Variants in SPG7 observed in about 807,000 individuals in gnomAD.
The protein encoded by SPG7 is mitochondrial inner membrane m-AAA protease component paraplegin.
Under a neutral mutation model 81.9 loss-of-function variants are expected in SPG7, and 103 were observed. The ratio of observed to expected loss-of-function variants is 1.26; its 90% CI spans 1.07 to 1.48. The LOEUF (loss-of-function observed/expected upper bound fraction) is 1.48, where lower values mean the gene tolerates loss of function less well. Among genes scored for constraint, SPG7 ranks in the 40% most tolerant of loss-of-function variants. SPG7 has a pLI of 0.00. For synonymous variants in SPG7, 534 were observed against 444.2 expected (o/e 1.20, Z -2.54); for missense variants, 1,241 against 1,087.3 (o/e 1.14, Z -1.99).
chr16:89,540,064 G>A (rs943025292), intron 9 of SPG7: 8 of 152,592 alleles, frequency 5.2e-5, no homozygotes, highest in African/African-American at 1.9e-4. Flanking sequence ...TCAGGTGCAT[G>A]TGGGGGTCTG....
At chr16:89,516,013 G>A (rs546158549) in intron 3 of SPG7, among the ~76,000 whole-genome samples, 14 of 151,898 alleles carry the variant, frequency 9.2e-5, no homozygotes, top group Admixed American at 4.6e-4. Flanking sequence ...CCAGCCTGGA[G>A]TTTCACTCTT....
intron 12 of SPG7, chr16:89,549,425 G>A (rs2058607093): frequency 2.8e-6 from 1 of 362,434 alleles, no homozygotes; most frequent in Non-Finnish European, 5.4e-6. Flanking sequence ...TTTGGGGGCT[G>A]AGGCAGGAGG....
intron 9 of SPG7, chr16:89,533,245 G>T (rs1259376458): frequency 6.5e-6 from 1 of 153,902 alleles, no homozygotes; most frequent in East Asian, 1.9e-4. Flanking sequence ...TTGGCTCACT[G>T]CAGGCTCTGT....
chr16:89,510,059 C>T (rs189261574), intron 1 of SPG7, among the ~76,000 whole-genome samples: 2 of 152,082 alleles, frequency 1.3e-5, no homozygotes, highest in Non-Finnish European at 2.9e-5. Context: ...ACTGCAACCT[C>T]TGCCTCCCGG....
intron 3 of SPG7, chr16:89,521,399 G>A (rs1277815213): frequency 6.6e-6 from 1 of 152,330 alleles, no homozygotes; most frequent in East Asian, 1.9e-4. Flanking sequence ...CGTTTGTGAC[G>A]AAAGCAGAAG....
chr16:89,526,209 G>A, intron 4 of SPG7, 120 bp from the exon 5 acceptor site: 1 of 1,145,810 alleles, frequency 8.7e-7, no homozygotes, highest in African/African-American at 1.5e-5. Context: ...TCTGAATGGT[G>A]TCCTCTTCAC....
chr16:89,519,659 G>C (rs1314698625), intron 3 of SPG7: 1 of 152,266 alleles, frequency 6.6e-6, no homozygotes, highest in Non-Finnish European at 1.5e-5. Flanking sequence ...TGGGATGACA[G>C]GCGTGAGCCA....
At chr16:89,509,249 G>A (rs1000029997) in intron 1 of SPG7, among the ~76,000 whole-genome samples, 1 of 151,958 alleles carries the variant, frequency 6.6e-6, no homozygotes, top group African/African-American at 2.4e-5. Flanking sequence ...CACCTTTTAG[G>A]TTGTTGTTTT....
chr16:89,553,668 G>A, intron 14 of SPG7, 126 bp from the exon 15 acceptor site: 7 of 881,278 alleles, frequency 7.9e-6, no homozygotes, highest in Non-Finnish European at 1.3e-5. Flanking sequence ...CAGCTTCACG[G>A]TGGGTCCTCG....
intron 5 of SPG7, chr16:89,526,681 G>A (rs2058265039): frequency 1.9e-6 from 1 of 532,864 alleles, no homozygotes; most frequent in East Asian, 3.8e-5. Flanking sequence ...CTGGTTCTCG[G>A]ACTTCCCAAG....
chr16:89,528,004 G>A (rs1253141633), intron 5 of SPG7, among the ~76,000 whole-genome samples: 1 of 152,166 alleles, frequency 6.6e-6, no homozygotes, highest in Non-Finnish European at 1.5e-5. Flanking sequence ...CTGAGGCTGT[G>A]TGTCTCATGT....
chr16:89,539,665 C>G (rs1315180212), intron 9 of SPG7: 1 of 152,094 alleles, frequency 6.6e-6, no homozygotes, highest in African/African-American at 2.4e-5. Flanking sequence ...CTCTGGGACT[C>G]AAGCCGTCCT....
chr16:89,536,137 TGGTGCTGTGTGGCCTTC>T (rs2058411896), intron 9 of SPG7, among the ~76,000 whole-genome samples: 1 of 113,942 alleles, frequency 8.8e-6, no homozygotes, highest in Non-Finnish European at 1.9e-5. Flanking sequence ...GTGGCCTCTC[TGGTGCTGTGTGGCCTTC>T]AGTGTGGCCG....
At position 89,550,497 on chromosome 16, in the gene SPG7, C is replaced by G; in HGVS notation, c.1667C>G (p.Thr556Ser). Residue 556 changes from threonine to serine, a missense_variant, in exon 13 of 17, where the codon ACT (threonine) becomes AGT (serine). By Grantham distance (58) the Thr-to-Ser change is moderately conservative. Coordinates refer to ENST00000645818, the MANE Select transcript of SPG7 (RefSeq NM_003119.4). ...TCATACCCCGGCATTCTTTCAGGGA[C>G]TGCCAAAAAGAGCAAGATCCTGTCC... ...EYAVERVLAG[T>S]AKKSKILSKE... 1.2e-6 allele frequency: 2 copies of G among 1,611,422 alleles called. No homozygotes were observed. Among genetic ancestry groups the G allele is most frequent in the South Asian group, 1.1e-5 (1 of 91,036 alleles).
Position 89,549,215 on chromosome 16 carries a change from A to T in SPG7, c.1663+1102A>T, listed in dbSNP as rs1436121898. 6.6e-6 allele frequency: 3 copies of T among 456,872 alleles called. No individual in the cohort carries two copies. The East Asian group carries it at 2.1e-4, about 32-fold the overall frequency. The allele number at this position is 456,872 out of a possible 1,614,324, so 28.3% of individuals were successfully genotyped here. A position where few individuals can be genotyped will look rare whatever the true frequency, so the allele number is the denominator to read the frequency against. Reference sequence around the variant, plus strand: ...CAGGAAGGACTGAGTGGGAACCACAAGCCAGTTGAAAGAAAATACATGACG... The same window carrying T: ...CAGGAAGGACTGAGTGGGAACCACATGCCAGTTGAAAGAAAATACATGACG... On this transcript the variant is annotated intron_variant, in intron 12 of 16. Transcript: ENST00000645818.
chr16:89,529,166 G>T, intron 5 of SPG7: 1 of 401,780 alleles, frequency 2.5e-6, no homozygotes, highest in South Asian at 2.1e-5. Flanking sequence ...GAAGCTGATC[G>T]CTTACATTTG....
At chr16:89,547,491 C>A (rs887112386) in intron 11 of SPG7, 2 of 190,838 alleles carry the variant, frequency 1.0e-5, no homozygotes, top group Non-Finnish European at 2.2e-5. Context: ...GCTCCTGGCG[C>A]CGGCGCCTGC....
chr16:89,553,778 C>G lies in SPG7; in HGVS notation c.1937-16C>G, dbSNP rs74590011. The G allele has an allele frequency of 2.6e-3, 4,230 of 1,613,098 alleles. 24 individuals carry two copies. In the Middle Eastern group the frequency reaches 0.028, roughly 11 times the overall value. On this transcript the variant is annotated splice_polypyrimidine_tract_variant and intron_variant, in intron 14 of 16. Coordinates refer to ENST00000645818, the MANE Select transcript of SPG7 (RefSeq NM_003119.4). ...TGCAGTGCTGAGGATGCCTCTGTCT[C>G]GACCCCGCCCTCCAGGGGCACAGGA...
At chr16:89,543,013 T>C (rs1351543826) in intron 9 of SPG7, 1 of 147,120 alleles carries the variant, frequency 6.8e-6, no homozygotes, top group Non-Finnish European at 1.5e-5. Context: ...AGTGGCGTGA[T>C]CTCGGCTCCC....
Sources: allele counts gnomAD v4.1 joint callset (sites outside exome capture counted in the v4.1 genomes callset), GRCh38; gene constraint gnomAD v4.1.1; transcripts MANE v1.5; gene names NCBI Gene and HGNC (gene_info 2026-07-23, HGNC 2026-07-21).